ADIPOR2: variants seen among roughly 807,000 people sequenced by gnomAD.
ADIPOR2 encodes adiponectin receptor 2.
ADIPOR2 carries 18 observed loss-of-function variants against 40.9 expected under a neutral mutation model. The ratio of observed to expected loss-of-function variants is 0.44; its 90% CI spans 0.30 to 0.65. The LOEUF (loss-of-function observed/expected upper bound fraction) is 0.65, where lower values mean the gene tolerates loss of function less well. Ranked by LOEUF, ADIPOR2 falls within the 30% of genes least tolerant of loss-of-function variation. The pLI is 0.09. For synonymous variants in ADIPOR2, 165 were observed against 166.4 expected, an observed-to-expected ratio of 0.99 and a Z score of 0.06; for missense variants, 283 against 479.2, an observed-to-expected ratio of 0.59 and a Z score of 3.82.
Position 1,738,682 on chromosome 12 carries a change from A to G in ADIPOR2, c.-86-15576A>G, listed in dbSNP as rs1477009014. Among the ~76,000 whole-genome samples, 7 of 152,276 alleles carry G rather than the reference A, an allele frequency of 4.6e-5. No homozygotes were observed. In the East Asian group the frequency reaches 1.2e-3, roughly 25 times the overall value. ...ACCTTCTTTCACTTTTTGGAGGTGG[A>G]TGAACTTTTCCACTCAAAACTATCT... On this transcript the variant is annotated intron_variant, in intron 1 of 7. Transcript: ENST00000357103.
Position 1,787,210 on chromosome 12 carries a change from C to G in ADIPOR2, c.*1138C>G, listed in dbSNP as rs1380900527. On this transcript the variant is annotated 3_prime_UTR_variant, in exon 8 of 8. Transcript: ENST00000357103. ...ACATAGTTCTTGGCATGGGAGCCAG[C>G]CACAAATGAGATTCTGACGTGTCCA... 1 of 152,204 alleles carries G rather than the reference C, an allele frequency of 6.6e-6. No homozygotes were observed. Among genetic ancestry groups the G allele is most frequent in the Non-Finnish European group, 1.5e-5 (1 of 68,052 alleles). 9.4% of individuals were successfully genotyped at this position (152,204 alleles called of 1,614,324 possible). A position where few individuals can be genotyped will look rare whatever the true frequency, so the allele number is the denominator to read the frequency against.
rs777496274 is a variant in ADIPOR2 at position 1,777,890 on chromosome 12, G to A, written c.328G>A (p.Val110Ile). The change falls in exon 4 of 8, where the codon GTA becomes ATA. Residue 110 changes from valine (V) to isoleucine (I), a missense_variant. Val to Ile is a conservative substitution (Grantham distance 29, BLOSUM62 3). Coordinates refer to ENST00000357103, the MANE Select transcript of ADIPOR2 (RefSeq NM_024551.3). ...TCGGTGGCGAGTGATCCCTCATGATGTACTACCAGACTGGCTCAAGGATAA... is the reference window on the plus strand; with the variant it reads ...TCGGTGGCGAGTGATCCCTCATGATATACTACCAGACTGGCTCAAGGATAA... ...EGRWRVIPHDVLPDWLKDNDF... is the reference protein window; with the variant it reads ...EGRWRVIPHDILPDWLKDNDF... 8.1e-6 allele frequency: 13 copies of A among 1,613,784 alleles called. No homozygotes were observed. The highest frequency in any genetic ancestry group is 1.7e-6 in the Non-Finnish European group (2 of 1,179,924).
intron 6 of ADIPOR2, 36 bp downstream of exon 6, chr12:1,781,112 T>C (rs953554798): frequency 3.3e-6 from 5 of 1,505,364 alleles, no homozygotes; most frequent in Middle Eastern, 3.5e-4. Context: ...TCGACATTCA[T>C]TTATTCACTA....
intron 2 of ADIPOR2, among the ~76,000 whole-genome samples, chr12:1,762,604 ACTT>A (rs1304312735): frequency 2.0e-5 from 3 of 152,236 alleles, no homozygotes; most frequent in South Asian, 2.1e-4. Context: ...TAACTAATCT[ACTT>A]CTTTAATCTT....
At chr12:1,714,611 G>A (rs934585679) in intron 1 of ADIPOR2, among the ~76,000 whole-genome samples, 5 of 152,062 alleles carry the variant, frequency 3.3e-5, no homozygotes, top group African/African-American at 1.2e-4. Flanking sequence ...CTAGGACACA[G>A]GTTAACAGAT....
intron 1 of ADIPOR2, among the ~76,000 whole-genome samples, chr12:1,729,281 T>C (rs928921336): frequency 2.0e-5 from 3 of 152,032 alleles, no homozygotes; most frequent in Non-Finnish European, 4.4e-5. Flanking sequence ...TTACTTAGTT[T>C]TTGGAGAAAG....
chr12:1,782,976 C>CTTTTTTT (rs71055199), intron 6 of ADIPOR2, among the ~76,000 whole-genome samples: 15 of 109,754 alleles, frequency 1.4e-4, no homozygotes, highest in East Asian at 2.7e-4. Context: ...TTCTTTCTTT[C>CTTTTTTT]TTTTTTTTTT....
chr12:1,725,675 C>T (rs2094706517), intron 1 of ADIPOR2, among the ~76,000 whole-genome samples: 1 of 152,054 alleles, frequency 6.6e-6, no homozygotes, highest in Non-Finnish European at 1.5e-5. Context: ...GTTCTAGAGA[C>T]CAGCAGTCCA....
intron 1 of ADIPOR2, among the ~76,000 whole-genome samples, chr12:1,719,290 A>G (rs1205975196): frequency 1.3e-5 from 2 of 152,144 alleles, no homozygotes; most frequent in Non-Finnish European, 2.9e-5. Flanking sequence ...CAGTTTCTTA[A>G]TATCTTGGAA....
chr12:1,746,835 G>C (rs2094756101), intron 1 of ADIPOR2, among the ~76,000 whole-genome samples: 1 of 152,136 alleles, frequency 6.6e-6, no homozygotes. Flanking sequence ...TTTGAGACCA[G>C]CTTGGATAAA....
At chr12:1,764,353 C>T (rs1307854592) in intron 2 of ADIPOR2, among the ~76,000 whole-genome samples, 4 of 151,998 alleles carry the variant, frequency 2.6e-5, no homozygotes, top group Admixed American at 1.3e-4. Context: ...TCACTTTTAT[C>T]GTGCCTGGTT....
intron 4 of ADIPOR2, among the ~76,000 whole-genome samples, chr12:1,779,143 A>G (rs1565658681): frequency 6.6e-6 from 1 of 152,236 alleles, no homozygotes; most frequent in Admixed American, 6.5e-5. Flanking sequence ...AAAAAGTTAC[A>G]TAGAGTTACC....
chr12:1,735,528 A>T (rs1343021805), intron 1 of ADIPOR2, among the ~76,000 whole-genome samples: 1 of 152,218 alleles, frequency 6.6e-6, no homozygotes. Context: ...ATATACAATC[A>T]TGTCATCTGC....
rs940229288 is a variant in ADIPOR2 at position 1,748,465 on chromosome 12, G to A, written c.-86-5793G>A. On this transcript the variant is annotated intron_variant, in intron 1 of 7. Coordinates refer to ENST00000357103, the MANE Select transcript of ADIPOR2 (RefSeq NM_024551.3). ...GGGTTTCACCGTGTTAGCCAGGATG[G>A]TCTCAATCTCCTGACCTTGTGATCT... Among the ~76,000 whole-genome samples, 7 of 152,000 alleles carry A rather than the reference G, an allele frequency of 4.6e-5. No individual in the cohort carries two copies. In the South Asian group the frequency reaches 8.3e-4, roughly 18 times the overall value.
chr12:1,769,864 T>A (rs1210538321), intron 2 of ADIPOR2, among the ~76,000 whole-genome samples: 4 of 151,948 alleles, frequency 2.6e-5, no homozygotes, highest in African/African-American at 9.7e-5. Flanking sequence ...TTTATAAAGA[T>A]TCTGAATCTT....
intron 1 of ADIPOR2, among the ~76,000 whole-genome samples, chr12:1,728,100 T>C (rs2094711628): frequency 2.0e-5 from 3 of 151,876 alleles, no homozygotes; most frequent in African/African-American, 7.2e-5. Flanking sequence ...ATCAGCTGTT[T>C]TCTGTTTGTG....
At chr12:1,694,687 C>T (rs983396486) in intron 1 of ADIPOR2, among the ~76,000 whole-genome samples, 1 of 152,170 alleles carries the variant, frequency 6.6e-6, no homozygotes, top group Non-Finnish European at 1.5e-5. Flanking sequence ...CGCTAGTTTC[C>T]AGTTTTCATC....
chr12:1,757,977 G>C, intron 2 of ADIPOR2: 1 of 1,056,340 alleles, frequency 9.5e-7, no homozygotes, highest in South Asian at 1.3e-5. Flanking sequence ...TGGAGCTGCT[G>C]CCCACTTCAG....
chr12:1,738,611 A>G (rs1198189422), intron 1 of ADIPOR2, among the ~76,000 whole-genome samples: 2 of 152,186 alleles, frequency 1.3e-5, no homozygotes, highest in African/African-American at 4.8e-5. Flanking sequence ...GCCAGCAGAG[A>G]CCATCTTATC....
Sources: allele counts gnomAD v4.1 joint callset (sites outside exome capture counted in the v4.1 genomes callset), GRCh38; gene constraint gnomAD v4.1.1; transcripts MANE v1.5; gene names NCBI Gene and HGNC (gene_info 2026-07-23, HGNC 2026-07-21).